Variants in SENP6 observed in about 807,000 individuals in gnomAD.
SENP6 encodes the protein sentrin-specific protease 6.
Under a neutral mutation model 134.5 loss-of-function variants are expected in SENP6, and 41 were observed. The ratio of observed to expected loss-of-function variants is 0.30; its 90% confidence interval spans 0.24 to 0.40. SENP6 has a LOEUF of 0.40. Among genes scored for constraint, SENP6 ranks in the 10% least tolerant of loss-of-function variants. The pLI is 1.00. For missense variants in SENP6, 1,248 were observed against 1,312.5 expected, an observed-to-expected ratio of 0.95 and a Z score of 0.76; for synonymous variants, 395 against 429.8, an observed-to-expected ratio of 0.92 and a Z score of 1.00.
At chr6:75,602,717 G>C (rs142357087) in intron 1 of SENP6, 141 bp downstream of exon 1, 493 of 916,392 alleles carry the variant, frequency 5.4e-4, no homozygotes, top group Admixed American at 8.9e-4. Flanking sequence ...GACGGGGAGG[G>C]AGTGTGCTGC....
At chr6:75,609,358 C>A (rs1767270575) in intron 1 of SENP6, among the ~76,000 whole-genome samples, 1 of 152,072 alleles carries the variant, frequency 6.6e-6, no homozygotes, top group South Asian at 2.1e-4. Flanking sequence ...TTTAAGAGGG[C>A]AAAAATGGAA....
intron 5 of SENP6, among the ~76,000 whole-genome samples, chr6:75,638,622 ATT>A (rs57353168): frequency 3.3e-4 from 10 of 29,888 alleles, no homozygotes; most frequent in African/African-American, 6.6e-4. Context: ...ATATATATAT[ATT>A]TTTTTTTTTT....
chr6:75,661,157 A>G (rs1164091526), intron 8 of SENP6, among the ~76,000 whole-genome samples: 1 of 152,218 alleles, frequency 6.6e-6, no homozygotes, highest in Non-Finnish European at 1.5e-5. Flanking sequence ...ATAAGTTCAC[A>G]CTGATAACTC....
chr6:75,645,564 C>T (rs1158095861), intron 6 of SENP6, among the ~76,000 whole-genome samples: 1 of 152,148 alleles, frequency 6.6e-6, no homozygotes, highest in African/African-American at 2.4e-5. Context: ...TTGCAGTGAG[C>T]CAAGATTGCG....
In SENP6 at chr6:75,638,612, ATATATATATAT is replaced by A. The variant is rs1334871338; in HGVS notation, c.459-2070_459-2060del. Among the ~76,000 whole-genome samples, 235 of 38,584 alleles carry A rather than the reference ATATATATATAT, an allele frequency of 6.1e-3. 1 individual carries two copies. The highest frequency in any genetic ancestry group is 8.6e-3 in the East Asian group (11 of 1,276). The allele number at this position is 38,584 out of a possible 152,430, so 25.3% of individuals were successfully genotyped here. A position where few individuals can be genotyped will look rare whatever the true frequency, so the allele number is the denominator to read the frequency against. On this transcript the variant is annotated intron_variant, in intron 5 of 23. Transcript: ENST00000447266. ...TGTGTATATATATATATATATATAT[ATATATATATAT>A]TTTTTTTTTTTTTTTTTTTTTTTTT...
At chr6:75,638,081 C>T (rs528408664) in intron 5 of SENP6, among the ~76,000 whole-genome samples, 5 of 151,962 alleles carry the variant, frequency 3.3e-5, no homozygotes, top group Non-Finnish European at 5.9e-5. Flanking sequence ...AGGCTGGTCT[C>T]GAACTCTTTA....
At chr6:75,670,166 C>T (rs185445149) in intron 10 of SENP6, among the ~76,000 whole-genome samples, 7 of 152,178 alleles carry the variant, frequency 4.6e-5, no homozygotes, top group East Asian at 1.9e-4. Context: ...AGGCTAGTCT[C>T]GAACTCCTGA....
At chr6:75,651,211 TC>T (rs1446797675) in intron 7 of SENP6, among the ~76,000 whole-genome samples, 1 of 152,198 alleles carries the variant, frequency 6.6e-6, no homozygotes, top group Non-Finnish European at 1.5e-5. Context: ...CCCTTTTTTT[TC>T]AGCCTGTTTT....
In SENP6 at chr6:75,702,790, G is replaced by C. The variant is rs1775126592; in HGVS notation, c.2434G>C (p.Glu812Gln). 1.9e-6 allele frequency: 3 copies of C among 1,613,962 alleles called. No homozygotes were observed. The highest frequency in any genetic ancestry group is 2.5e-6 in the Non-Finnish European group (3 of 1,180,006). ...TATTTCTTCTTCAGCCAGTGAAATG[G>C]AGAGTTGTTCACAAAACTCTTCTGC... The part of the protein sequence containing the change: ...SCISSSASEM[E>Q]SCSQNSSAKP... The change falls in exon 19 of 24, where the codon GAG (glutamate) becomes CAG (glutamine). Residue 812 changes from glutamate (E) to glutamine (Q), a missense_variant. By Grantham distance (29) the Glu-to-Gln change is conservative (BLOSUM62 2). This residue lies in a region of SENP6 where 386 missense variants were observed against 395.0 expected (regional missense o/e 0.98). Transcript: ENST00000447266.
At chr6:75,672,241 T>C (rs964592018) in intron 11 of SENP6, among the ~76,000 whole-genome samples, 1 of 152,204 alleles carries the variant, frequency 6.6e-6, no homozygotes, top group Non-Finnish European at 1.5e-5. Flanking sequence ...ATGCTGTTAT[T>C]TATAACTCTT....
chr6:75,637,888 C>T (rs1031929052), intron 5 of SENP6, among the ~76,000 whole-genome samples: 32 of 152,010 alleles, frequency 2.1e-4, no homozygotes, highest in Admixed American at 1.6e-3. Flanking sequence ...GACTGAGTCT[C>T]GCTCTTCTAC....
intron 7 of SENP6, among the ~76,000 whole-genome samples, chr6:75,652,699 A>G (rs1252777113): frequency 3.4e-5 from 5 of 148,190 alleles, no homozygotes; most frequent in South Asian, 2.1e-4. Context: ...AAAAAAAAAA[A>G]AAAAGAAAAA....
At chr6:75,605,737 G>A (rs931707808) in intron 1 of SENP6, among the ~76,000 whole-genome samples, 1 of 152,124 alleles carries the variant, frequency 6.6e-6, no homozygotes, top group Non-Finnish European at 1.5e-5. Flanking sequence ...CTTTCTCAGC[G>A]GGAAGCCATT....
chr6:75,616,383 C>T (rs373194096), intron 1 of SENP6, among the ~76,000 whole-genome samples: 26 of 152,074 alleles, frequency 1.7e-4, no homozygotes, highest in African/African-American at 5.8e-4. Flanking sequence ...TATTTTTTCT[C>T]TCACTGGAAA....
Position 75,706,501 on chromosome 6 carries a change from C to A in SENP6, c.2717-3026C>A, listed in dbSNP as rs377202036. Among the ~76,000 whole-genome samples the A allele has an allele frequency of 3.9e-5, 6 of 152,250 alleles. No homozygotes were observed. In the East Asian group the frequency reaches 7.7e-4, roughly 20 times the overall value. On this transcript the variant is annotated intron_variant, in intron 19 of 23. Transcript: ENST00000447266. ...AAACTCCAGAGATTTCTAGTGCCCT[C>A]ACCTACAAATTAATTTTCTGGTCAA...
rs146088954 is a variant in SENP6 at position 75,619,747 on chromosome 6, C to G, written c.53-1785C>G. ...TTCCCACTAGCAATGCACAAGAGTT[C>G]CAGTTTCTCCCACATCCTAGCCAAT... is the stretch of plus-strand genomic sequence containing the variant. On this transcript the variant is annotated intron_variant, in intron 1 of 23. Transcript: ENST00000447266. 5.3e-4 allele frequency among the ~76,000 whole-genome samples: 80 copies of G among 152,182 alleles called. 1 individual carries two copies. Among genetic ancestry groups the G allele is most frequent in the Middle Eastern group, 3.4e-3 (1 of 294 alleles).
At chr6:75,711,915 C>G (rs1046648572) in intron 21 of SENP6, among the ~76,000 whole-genome samples, 1 of 152,194 alleles carries the variant, frequency 6.6e-6, no homozygotes, top group African/African-American at 2.4e-5. Flanking sequence ...TCAAGTGATC[C>G]GCCCCTCTGA....
chr6:75,627,973 G>C (rs1267243383), intron 3 of SENP6, among the ~76,000 whole-genome samples: 2 of 152,064 alleles, frequency 1.3e-5, no homozygotes, highest in Non-Finnish European at 2.9e-5. Context: ...CGCCTGGCCT[G>C]CTTTCAGATT....
chr6:75,634,340 G>A (rs372321074), intron 4 of SENP6, among the ~76,000 whole-genome samples: 1 of 151,972 alleles, frequency 6.6e-6, no homozygotes, highest in Non-Finnish European at 1.5e-5. Flanking sequence ...TCCGCCTCCC[G>A]GGTTCAAGTG....
Sources: gnomAD v4.1 joint callset for allele counts (sites outside exome capture counted in the v4.1 genomes callset) on GRCh38, gnomAD v4.1.1 for gene constraint, gnomAD v4.1.1 regional missense constraint, MANE v1.5 for transcripts, NCBI Gene and HGNC (gene_info 2026-07-23, HGNC 2026-07-21) for gene names.